ABCA13: variants seen among roughly 807,000 people sequenced by gnomAD.
ABCA13 encodes the protein ATP-binding cassette sub-family A member 13.
A neutral mutation model predicts 478.7 loss-of-function variants in ABCA13; 476 were observed. That is an observed-to-expected ratio of 0.99 (90% CI 0.92 to 1.07). The LOEUF (loss-of-function observed/expected upper bound fraction) is 1.07, where lower values mean the gene tolerates loss of function less well. Ranked by LOEUF, ABCA13 falls within the 50% of genes least tolerant of loss-of-function variation. The pLI is 0.00. For missense variants in ABCA13, 6,060 were observed against 5,910.6 expected, an observed-to-expected ratio of 1.03 and a Z score of -0.83; for synonymous variants, 2,252 against 2,158.9, an observed-to-expected ratio of 1.04 and a Z score of -1.20.
At chr7:48,215,096 C>T (rs764444968) in intron 3 of ABCA13, among the ~76,000 whole-genome samples, 2 of 152,094 alleles carry the variant, frequency 1.3e-5, no homozygotes, top group African/African-American at 4.8e-5. Context: ...GCCTGGGCAA[C>T]AAGAGTGAGA....
intron 58 of ABCA13, among the ~76,000 whole-genome samples, chr7:48,613,145 A>C (rs1314008176): frequency 6.6e-6 from 1 of 151,614 alleles, no homozygotes; most frequent in Non-Finnish European, 1.5e-5. Flanking sequence ...AGTTCTTTAT[A>C]GTAAGTATAT....
intron 42 of ABCA13, among the ~76,000 whole-genome samples, chr7:48,446,164 T>TA (rs1024646739): frequency 7.2e-5 from 11 of 152,296 alleles, no homozygotes; most frequent in African/African-American, 2.2e-4. Flanking sequence ...GGCATATTCT[T>TA]AGGCCTAACT....
At chr7:48,426,049 A>T (rs539410273) in intron 41 of ABCA13, among the ~76,000 whole-genome samples, 1 of 152,268 alleles carries the variant, frequency 6.6e-6, no homozygotes, top group East Asian at 1.9e-4. Context: ...CCTCTTATTT[A>T]TTACCATTTA....
rs575438867 is a variant in ABCA13, at chr7:48,587,296, G to C, written c.14640+8G>C. 1 of 1,596,424 alleles carries C rather than the reference G, an allele frequency of 6.3e-7. No homozygotes were observed. Among genetic ancestry groups the C allele is most frequent in the Admixed American group, 1.7e-5 (1 of 57,418 alleles). On this transcript the variant is annotated splice_region_variant and intron_variant, in intron 57 of 61. Coordinates refer to ENST00000435803, the MANE Select transcript of ABCA13 (RefSeq NM_152701.5). ...CCTGACATTCTTTTATTGGTGAGTA[G>C]AAGAATGTCAATATCTTGGAGTAAG...
intron 31 of ABCA13, among the ~76,000 whole-genome samples, chr7:48,361,649 A>G (rs1810852089): frequency 6.6e-6 from 1 of 151,578 alleles, no homozygotes; most frequent in Non-Finnish European, 1.5e-5. Flanking sequence ...TAAATATATT[A>G]TGTAGGTAAT....
At chr7:48,426,319 C>T (rs1038588551) in intron 41 of ABCA13, among the ~76,000 whole-genome samples, 1 of 152,184 alleles carries the variant, frequency 6.6e-6, no homozygotes, top group African/African-American at 2.4e-5. Flanking sequence ...TAATTAACCA[C>T]GTGCGGAGAT....
At chr7:48,204,981 A>G (rs1784740843) in intron 3 of ABCA13, among the ~76,000 whole-genome samples, 1 of 152,182 alleles carries the variant, frequency 6.6e-6, no homozygotes, top group Non-Finnish European at 1.5e-5. Flanking sequence ...CTGTAACTGC[A>G]GTCACTTGTC....
At chr7:48,325,394 C>T (rs1050530919) in intron 27 of ABCA13, among the ~76,000 whole-genome samples, 2 of 152,158 alleles carry the variant, frequency 1.3e-5, no homozygotes, top group Admixed American at 1.3e-4. Context: ...CTCCCTCATG[C>T]CCTTAGATTA....
At chr7:48,173,178 CTG>C (rs1794382119) in intron 1 of ABCA13, among the ~76,000 whole-genome samples, 1 of 152,228 alleles carries the variant, frequency 6.6e-6, no homozygotes, top group African/African-American at 2.4e-5. Flanking sequence ...TGTTTGATAA[CTG>C]TTTATTTAAA....
In ABCA13 at chr7:48,314,391, A is replaced by C; in HGVS notation, c.9841A>C (p.Asn3281His). The C allele has an allele frequency of 6.3e-7, 1 of 1,594,028 alleles. No individual in the cohort carries two copies. Among genetic ancestry groups the C allele is most frequent in the South Asian group, 1.1e-5 (1 of 87,874 alleles). ...CTTGGAAGATGACAAAGAAAAATTC[A>C]ACATTCCTGAAGATTCAAGTAAGAC... ...ELLEDDKEKF[N>H]IPEDSTPFCL... Residue 3281 changes from asparagine to histidine, a missense_variant, in exon 26 of 62, where the codon AAC becomes CAC. Coordinates refer to ENST00000435803, the MANE Select transcript of ABCA13 (RefSeq NM_152701.5).
chr7:48,358,222 A>G (rs1197455208), intron 31 of ABCA13, among the ~76,000 whole-genome samples: 6 of 34,310 alleles, frequency 1.7e-4, no homozygotes, highest in Admixed American at 1.2e-3. Context: ...AAAGGAAAGG[A>G]AGGGGAGGGG....
In ABCA13 at chr7:48,272,748, T is replaced by A; in HGVS notation, c.3082T>A (p.Ser1028Thr). 3 of 1,609,268 alleles carry A rather than the reference T, an allele frequency of 1.9e-6. No homozygotes were observed. Among genetic ancestry groups the A allele is most frequent in the Non-Finnish European group, 2.5e-6 (3 of 1,177,090 alleles). ...GGTTCTTGGGGGAATTTCTAATGTA[T>A]CTTACTGTCAGCAATTGCTTTCAAT... The part of the protein sequence containing the change: ...AEVLGGISNV[S>T]YCQQLLSIFN... The change falls in exon 17 of 62, where the codon TCT becomes ACT. Residue 1028 changes from serine (S) to threonine (T), a missense_variant. By Grantham distance (58) the Ser-to-Thr change is moderately conservative (BLOSUM62 1). Transcript: ENST00000435803.
chr7:48,382,771 T>C (rs1814593354), intron 35 of ABCA13, among the ~76,000 whole-genome samples: 1 of 152,096 alleles, frequency 6.6e-6, no homozygotes. Context: ...GATTTTTTTT[T>C]TTTTTGGTCA....
Position 48,573,847 on chromosome 7 carries a change from A to T in ABCA13, c.14355-6377A>T, listed in dbSNP as rs1030274186. 7.2e-5 allele frequency among the ~76,000 whole-genome samples: 11 copies of T among 152,232 alleles called. No homozygotes were observed. The East Asian group carries it at 2.1e-3, about 29-fold the overall frequency. Reference sequence around the variant, plus strand: ...ACTCCGAGATCAAGCTGTTGCCATTAGTTCCTTCTGATTGCTGTGGGGAAG... The same window carrying T: ...ACTCCGAGATCAAGCTGTTGCCATTTGTTCCTTCTGATTGCTGTGGGGAAG... On this transcript the variant is annotated intron_variant, in intron 55 of 61. Transcript: ENST00000435803.
At chr7:48,227,450 T>C (rs767893220) in intron 6 of ABCA13, 25 bp downstream of exon 6, 3 of 1,609,674 alleles carry the variant, frequency 1.9e-6, no homozygotes, top group Non-Finnish European at 2.5e-6. Context: ...AAAACATAAC[T>C]AAGTATCAAT....
At chr7:48,617,283 C>T (rs1209719345) in intron 59 of ABCA13, among the ~76,000 whole-genome samples, 1 of 152,158 alleles carries the variant, frequency 6.6e-6, no homozygotes, top group African/African-American at 2.4e-5. Flanking sequence ...TAGTGGGTCT[C>T]CTTCCTCCTC....
chr7:48,520,033 C>G lies in ABCA13; in HGVS notation c.13798-8C>G. 6.3e-7 allele frequency: 1 copy of G among 1,576,784 alleles called. No individual in the cohort carries two copies. The highest frequency in any genetic ancestry group is 1.2e-5 in the South Asian group (1 of 84,674). ...AATTGGATTTTTTTTCTTTTTTTCA[C>G]TGTGCAGAATTTACAGAATATCTAT... On this transcript the variant is annotated splice_polypyrimidine_tract_variant and splice_region_variant and intron_variant, in intron 52 of 61. Coordinates refer to ENST00000435803, the MANE Select transcript of ABCA13 (RefSeq NM_152701.5).
At chr7:48,366,945 AC>A (rs1422697215) in intron 31 of ABCA13, among the ~76,000 whole-genome samples, 3 of 152,116 alleles carry the variant, frequency 2.0e-5, no homozygotes, top group Non-Finnish European at 2.9e-5. Context: ...TAATGGCAGG[AC>A]CTTTTTCTGT....
intron 21 of ABCA13, 105 bp downstream of exon 21, chr7:48,295,968 A>G: frequency 1.6e-6 from 2 of 1,282,004 alleles, no homozygotes; most frequent in Non-Finnish European, 2.1e-6. Context: ...TGTATAATAT[A>G]CTCTTAATGT....
Sources: allele counts gnomAD v4.1 joint callset (sites outside exome capture counted in the v4.1 genomes callset), GRCh38; gene constraint gnomAD v4.1.1; transcripts MANE v1.5; gene names NCBI Gene and HGNC (gene_info 2026-07-23, HGNC 2026-07-21).